Variants in ST18 observed in about 807,000 individuals in gnomAD.
ST18 encodes the protein ST18 C2H2C-type zinc finger transcription factor, also known as suppression of tumorigenicity 18 protein.
Under a neutral mutation model 110.0 loss-of-function variants are expected in ST18, and 50 were observed. The observed-to-expected ratio is 0.45, with a 90% CI of 0.36 to 0.58. ST18 has a LOEUF of 0.58. Ranked by LOEUF, ST18 falls within the 20% of genes least tolerant of loss-of-function variation. The pLI, the probability that ST18 is intolerant of heterozygous loss-of-function variation, is 0.00. For missense variants in ST18, 1,306 were observed against 1,280.1 expected, an observed-to-expected ratio of 1.02 and a Z score of -0.31; for synonymous variants, 461 against 452.4, an observed-to-expected ratio of 1.02 and a Z score of -0.24.
rs1438291129 is a variant in ST18 at position 52,142,937 on chromosome 8, G to A, written c.2161C>T (p.Leu721=). 6.2e-7 allele frequency: 1 copy of A among 1,611,916 alleles called. No homozygotes were observed. Among genetic ancestry groups the A allele is most frequent in the Non-Finnish European group, 8.5e-7 (1 of 1,178,142 alleles). ...KLHARDLKKE[L]ITCPTPGCDG... is the part of the protein sequence containing the mutation. Reference sequence around the variant, plus strand: ...GCATTGGGCACCACTTACGTGATTAGTTCCTTTTTGAGATCTCTTGCATGA... The same window carrying A: ...GCATTGGGCACCACTTACGTGATTAATTCCTTTTTGAGATCTCTTGCATGA... Residue 721 remains leucine, a synonymous_variant, in exon 17 of 26, where the codon CTA becomes TTA. Transcript: ENST00000689386.
intron 2 of ST18, among the ~76,000 whole-genome samples, chr8:52,283,995 T>C (rs557075692): frequency 6.6e-6 from 1 of 152,196 alleles, no homozygotes; most frequent in South Asian, 2.1e-4. Flanking sequence ...GATTTTAAAA[T>C]GGGATCAGTC....
intron 8 of ST18, among the ~76,000 whole-genome samples, chr8:52,189,295 A>G (rs1241270413): frequency 6.6e-6 from 1 of 152,192 alleles, no homozygotes; most frequent in Admixed American, 6.5e-5. Flanking sequence ...AAAGGTATGG[A>G]ATATCAACTT....
intron 8 of ST18, among the ~76,000 whole-genome samples, chr8:52,197,833 C>T (rs1438394672): frequency 6.6e-6 from 1 of 151,842 alleles, no homozygotes; most frequent in Non-Finnish European, 1.5e-5. Context: ...GCCTAGAGGG[C>T]AGACACGAGA....
At chr8:52,405,583 T>C (rs2141153257) in intron 2 of ST18, 1 of 151,686 alleles carries the variant, frequency 6.6e-6, no homozygotes, top group South Asian at 2.1e-4. Flanking sequence ...TACTATAAAA[T>C]TATATTTATC....
At chr8:52,327,715 C>T (rs1356465439) in intron 2 of ST18, among the ~76,000 whole-genome samples, 1 of 152,172 alleles carries the variant, frequency 6.6e-6, no homozygotes, top group African/African-American at 2.4e-5. Flanking sequence ...TGGACTACAC[C>T]CAGCTGAGTG....
At chr8:52,216,272 C>T (rs1005677647) in intron 6 of ST18, among the ~76,000 whole-genome samples, 5 of 152,190 alleles carry the variant, frequency 3.3e-5, no homozygotes, top group African/African-American at 4.8e-5. Flanking sequence ...CAGGCAGCCG[C>T]TCCCTACTAA....
intron 15 of ST18, among the ~76,000 whole-genome samples, chr8:52,150,418 T>C (rs1441707338): frequency 6.6e-6 from 1 of 152,206 alleles, no homozygotes; most frequent in Non-Finnish European, 1.5e-5. Context: ...AAGGCATGTA[T>C]AACTTTCCAA....
At chr8:52,217,317 G>A (rs1014410429) in intron 6 of ST18, among the ~76,000 whole-genome samples, 2 of 151,982 alleles carry the variant, frequency 1.3e-5, no homozygotes, top group African/African-American at 2.4e-5. Flanking sequence ...TGTACTTCTC[G>A]ATAGGAGTAA....
rs181486436 is a variant in ST18, at chr8:52,399,314, G to C, written c.-465+10014C>G. ...CTTTCATTAGTGATTTTATTTGTTT[G>C]AGTCTTGTCTCTTTTATTTCTTAGT... On this transcript the variant is annotated intron_variant, in intron 2 of 25. Transcript: ENST00000689386. 1.4e-4 allele frequency among the ~76,000 whole-genome samples: 21 copies of C among 151,652 alleles called. No homozygotes were observed. In the Middle Eastern group the frequency reaches 0.01, roughly 74 times the overall value.
intron 2 of ST18, among the ~76,000 whole-genome samples, chr8:52,298,332 A>G (rs2095665045): frequency 6.6e-6 from 1 of 152,210 alleles, no homozygotes; most frequent in South Asian, 2.1e-4. Flanking sequence ...CATTCAAAGC[A>G]TGGAATATTA....
intron 2 of ST18, among the ~76,000 whole-genome samples, chr8:52,290,906 C>T (rs2095545779): frequency 2.6e-5 from 4 of 152,204 alleles, no homozygotes; most frequent in Admixed American, 6.5e-5. Context: ...TCGTACCAAT[C>T]GTTCCCCCGG....
At chr8:52,320,049 T>C (rs2139881164) in intron 2 of ST18, among the ~76,000 whole-genome samples, 1 of 152,302 alleles carries the variant, frequency 6.6e-6, no homozygotes, top group Middle Eastern at 3.4e-3. Flanking sequence ...AGAAACTCTC[T>C]ACCTCTCAAT....
intron 2 of ST18, among the ~76,000 whole-genome samples, chr8:52,245,906 T>G (rs926397922): frequency 6.6e-6 from 1 of 152,102 alleles, no homozygotes; most frequent in African/African-American, 2.4e-5. Flanking sequence ...GTCATTGCAA[T>G]TTACCTATGG....
At chr8:52,375,025 C>G (rs974267098) in intron 2 of ST18, among the ~76,000 whole-genome samples, 10 of 152,134 alleles carry the variant, frequency 6.6e-5, no homozygotes, top group Non-Finnish European at 1.0e-4. Flanking sequence ...CACAAACCCT[C>G]CAGACTCCTA....
intron 25 of ST18, 99 bp downstream of exon 25, chr8:52,116,176 G>T: frequency 7.2e-7 from 1 of 1,397,026 alleles, no homozygotes; most frequent in Non-Finnish European, 9.7e-7. Flanking sequence ...ACTGCTCACA[G>T]GTCTCCTCAA....
intron 8 of ST18, among the ~76,000 whole-genome samples, chr8:52,199,990 T>C (rs1030790069): frequency 6.6e-6 from 1 of 152,236 alleles, no homozygotes; most frequent in Non-Finnish European, 1.5e-5. Context: ...CGCAATGTGT[T>C]TTCATGACTT....
At chr8:52,403,892 A>T (rs532820709) in intron 2 of ST18, 1 of 152,206 alleles carries the variant, frequency 6.6e-6, no homozygotes, top group Admixed American at 6.5e-5. Context: ...GAACAGAAAC[A>T]CTGGTGATCA....
chr8:52,132,238 T>C, intron 21 of ST18, 59 bp from the exon 22 acceptor site: 1 of 1,410,306 alleles, frequency 7.1e-7, no homozygotes, highest in Non-Finnish European at 9.6e-7. Flanking sequence ...TCCTATGCTC[T>C]CCAGAGAACA....
At chr8:52,339,501 G>A (rs753646348) in intron 2 of ST18, among the ~76,000 whole-genome samples, 16 of 152,212 alleles carry the variant, frequency 1.1e-4, no homozygotes, top group African/African-American at 2.2e-4. Context: ...AGCAGGGTTC[G>A]CAGATCTTGG....
Sources: gnomAD v4.1 joint callset for allele counts (sites outside exome capture counted in the v4.1 genomes callset) on GRCh38, gnomAD v4.1.1 for gene constraint, MANE v1.5 for transcripts, NCBI Gene and HGNC (gene_info 2026-07-23, HGNC 2026-07-21) for gene names.